Variants in CHRDL1 observed in about 807,000 individuals in gnomAD.
The protein encoded by CHRDL1 is chordin like 1.
Under a neutral mutation model 40.9 loss-of-function variants are expected in CHRDL1, and 19 were observed. The ratio of observed to expected loss-of-function variants is 0.46; its 90% CI spans 0.32 to 0.68. CHRDL1 has a LOEUF of 0.68. Ranked by LOEUF, CHRDL1 falls within the 30% of genes least tolerant of loss-of-function variation. The probability of loss-of-function intolerance (pLI) is 0.03; values close to 1 mark genes in which losing one functional copy is unlikely to be tolerated. For missense variants in CHRDL1, 329 were observed against 352.1 expected, an observed-to-expected ratio of 0.93 and a Z score of 0.53; for synonymous variants, 136 against 123.4, an observed-to-expected ratio of 1.10 and a Z score of -0.68.
intron 4 of CHRDL1, among the ~76,000 whole-genome samples, chrX:110,743,043 C>T (rs1204750644): frequency 3.6e-5 from 4 of 112,166 alleles, no homozygotes; most frequent in African/African-American, 1.3e-4. Flanking sequence ...ATATTTAAAC[C>T]GATTAACATT....
At chrX:110,757,380 GA>G (rs201385311) in intron 4 of CHRDL1, among the ~76,000 whole-genome samples, 17 of 103,081 alleles carry the variant, frequency 1.6e-4, no homozygotes, top group South Asian at 1.3e-3. Flanking sequence ...AAAGCTAGAA[GA>G]AAAAAAAAAC....
At chrX:110,793,235 G>A (rs1467148782) in intron 1 of CHRDL1, among the ~76,000 whole-genome samples, 3 of 112,258 alleles carry the variant, frequency 2.7e-5, no homozygotes, top group Non-Finnish European at 5.6e-5. Flanking sequence ...AATGCAAAAC[G>A]ATCATTTTGG....
chrX:110,755,989 A>C (rs2089445855), intron 4 of CHRDL1, among the ~76,000 whole-genome samples: 1 of 111,944 alleles, frequency 8.9e-6, no homozygotes, highest in East Asian at 2.8e-4. Context: ...TCTAGGATTT[A>C]ACAGCCACGG....
intron 4 of CHRDL1, among the ~76,000 whole-genome samples, chrX:110,748,566 C>T (rs2089298312): frequency 8.9e-6 from 1 of 112,054 alleles, no homozygotes. Context: ...TGAAAAGCAA[C>T]ATTTGCTAGA....
chrX:110,733,529 G>A (rs2071205506), intron 4 of CHRDL1, among the ~76,000 whole-genome samples: 1 of 111,494 alleles, frequency 9.0e-6, no homozygotes, highest in Non-Finnish European at 1.9e-5. Context: ...TATAAAGTGT[G>A]CCGCTTTTTA....
At chrX:110,709,030 T>G (rs1325695711) in intron 6 of CHRDL1, among the ~76,000 whole-genome samples, 1 of 112,149 alleles carries the variant, frequency 8.9e-6, no homozygotes, top group Non-Finnish European at 1.9e-5. Flanking sequence ...CCAAACAGTT[T>G]GGATTCAAAT....
chrX:110,709,667 T>C (rs778606451), intron 6 of CHRDL1, among the ~76,000 whole-genome samples: 1 of 112,149 alleles, frequency 8.9e-6, no homozygotes, highest in Non-Finnish European at 1.9e-5. Flanking sequence ...ATCTGCTTCA[T>C]TGGTAGGAGT....
chrX:110,708,407 T>C (rs920962343), intron 6 of CHRDL1, among the ~76,000 whole-genome samples: 1 of 110,929 alleles, frequency 9.0e-6, no homozygotes, highest in Admixed American at 9.6e-5. Flanking sequence ...CCATCAATGA[T>C]AGATGGGATA....
chrX:110,770,662 A>G (rs770157083), intron 2 of CHRDL1, among the ~76,000 whole-genome samples: 51 of 111,844 alleles, frequency 4.6e-4, no homozygotes, highest in Non-Finnish European at 9.2e-4. Context: ...AAAAACTACT[A>G]AGACTAGAGA....
At position 110,734,140 on chromosome X, in the gene CHRDL1, A is replaced by G. The variant is rs548375816; in HGVS notation, c.302-12610T>C. ...TTCAAAAGTGATTCAGAAGTGAGTT[A>G]CAGAATCGATTTCTTCTGGGAAAAG... On this transcript the variant is annotated intron_variant, in intron 4 of 11. Coordinates refer to ENST00000372042, the MANE Select transcript of CHRDL1 (RefSeq NM_001143981.2). Among the ~76,000 whole-genome samples, 17 of 111,272 alleles carry G rather than the reference A, an allele frequency of 1.5e-4. No homozygotes were observed. The South Asian group carries it at 5.8e-3, about 38-fold the overall frequency.
chrX:110,723,414 T>A (rs1396177154), intron 4 of CHRDL1, among the ~76,000 whole-genome samples: 5 of 112,012 alleles, frequency 4.5e-5, no homozygotes, highest in Admixed American at 1.9e-4. Context: ...CAGGCAGGAA[T>A]GAGTGCTTTT....
At chrX:110,694,072 G>C in intron 8 of CHRDL1, 91 bp downstream of exon 8, 1 of 722,670 alleles carries the variant, frequency 1.4e-6, no homozygotes, top group Non-Finnish European at 2.1e-6. Flanking sequence ...CTATTCCTGG[G>C]AGAAAGGGTC....
intron 2 of CHRDL1, among the ~76,000 whole-genome samples, chrX:110,778,013 T>C (rs996719073): frequency 3.6e-5 from 4 of 111,262 alleles, no homozygotes; most frequent in Non-Finnish European, 7.6e-5. Flanking sequence ...AAGGAATCCC[T>C]ATTCAATACG....
chrX:110,725,436 C>G (rs1341589668), intron 4 of CHRDL1, among the ~76,000 whole-genome samples: 2 of 110,608 alleles, frequency 1.8e-5, no homozygotes, highest in African/African-American at 6.6e-5. Context: ...ACACCTCAGT[C>G]TGAATAACTG....
chrX:110,674,434 C>T lies in CHRDL1; in HGVS notation c.*1797G>A, dbSNP rs1032872066. 9.8e-6 allele frequency: 1 copy of T among 102,442 alleles called. No homozygotes were observed. Among genetic ancestry groups the T allele is most frequent in the African/African-American group, 3.6e-5 (1 of 27,423 alleles). 8.4% of individuals were successfully genotyped at this position (102,442 alleles called of 1,213,427 possible). On this transcript the variant is annotated 3_prime_UTR_variant, in exon 12 of 12. Coordinates refer to ENST00000372042, the MANE Select transcript of CHRDL1 (RefSeq NM_001143981.2). ...CCACCTCTGGGACGGAGGGAGCAGCCGCATAACACCTTCCCCCCTTTACCA... is the reference window on the plus strand; with the variant it reads ...CCACCTCTGGGACGGAGGGAGCAGCTGCATAACACCTTCCCCCCTTTACCA...
At chrX:110,676,785 C>T (rs1256798587) in intron 11 of CHRDL1, among the ~76,000 whole-genome samples, 2 of 111,241 alleles carry the variant, frequency 1.8e-5, no homozygotes, top group African/African-American at 3.3e-5. Context: ...GCTTTGCTTA[C>T]CCTTAGGGTC....
At chrX:110,792,347 T>C (rs973090779) in intron 1 of CHRDL1, 132 bp from the exon 2 acceptor site, 3 of 384,196 alleles carry the variant, frequency 7.8e-6, no homozygotes, top group African/African-American at 2.6e-5. Context: ...GTAAGTATTG[T>C]CTGCCTGCAC....
intron 2 of CHRDL1, among the ~76,000 whole-genome samples, chrX:110,774,515 G>A (rs1369071846): frequency 2.7e-5 from 3 of 110,574 alleles, no homozygotes; most frequent in South Asian, 4.0e-4. Context: ...GTGTAGGGGT[G>A]TGGAAATGGG....
chrX:110,780,754 T>C (rs1244529020), intron 2 of CHRDL1, among the ~76,000 whole-genome samples: 1 of 111,632 alleles, frequency 9.0e-6, no homozygotes, highest in Non-Finnish European at 1.9e-5. Context: ...CTGTTTAAAG[T>C]TTTGGCAACT....
Sources: allele counts gnomAD v4.1 joint callset (sites outside exome capture counted in the v4.1 genomes callset), GRCh38; gene constraint gnomAD v4.1.1; transcripts MANE v1.5; gene names NCBI Gene and HGNC (gene_info 2026-07-23, HGNC 2026-07-21).